Variants in ZNG1F observed in about 807,000 individuals in gnomAD.
ZNG1F encodes the protein Zn regulated GTPase metalloprotein activator 1F, also known as zinc-regulated GTPase metalloprotein activator 1F.
chr9:41,204,884 A>G, the ZNG1F span, among the ~76,000 whole-genome samples: 1 of 148,152 alleles, frequency 6.7e-6, no homozygotes, highest in Non-Finnish European at 1.5e-5. Flanking sequence ...TAATAATTTT[A>G]TGAGTTATAA....
At chr9:41,183,725 A>G in the ZNG1F span, 1 of 1,604,022 alleles carries the variant, frequency 6.2e-7, no homozygotes, top group South Asian at 1.1e-5. Flanking sequence ...CCAACAAAAA[A>G]CAAAGATGAG....
chr9:41,152,178 C>CA, the ZNG1F span, among the ~76,000 whole-genome samples: 1 of 136,840 alleles, frequency 7.3e-6, no homozygotes, highest in Non-Finnish European at 1.6e-5. Flanking sequence ...AAATGAAAAA[C>CA]AAAAAAAGGC....
the ZNG1F span, among the ~76,000 whole-genome samples, chr9:41,155,309 T>G: frequency 1.3e-5 from 2 of 150,098 alleles, no homozygotes; most frequent in Non-Finnish European, 3.0e-5. Context: ...AATGAGATAC[T>G]ATCTCACACC....
At chr9:41,142,295 C>CAA in the ZNG1F span, 1 of 176,346 alleles carries the variant, frequency 5.7e-6, no homozygotes, top group African/African-American at 4.7e-5. Context: ...TTCTTCCTGT[C>CAA]AAAAAAAATC....
the ZNG1F span, among the ~76,000 whole-genome samples, chr9:41,202,029 A>G: frequency 2.5e-5 from 1 of 40,008 alleles, no homozygotes; most frequent in African/African-American, 5.4e-5. Flanking sequence ...GAGATTAAAT[A>G]AAAACAGCAA....
chr9:41,185,097 T>C, the ZNG1F span, among the ~76,000 whole-genome samples: 11 of 145,728 alleles, frequency 7.5e-5, 2 homozygotes, highest in South Asian at 1.1e-3. Flanking sequence ...TTCATACTTA[T>C]GAAGAAAAAC....
the ZNG1F span, chr9:41,132,047 A>G: frequency 2.1e-6 from 3 of 1,429,728 alleles, no homozygotes; most frequent in Non-Finnish European, 2.8e-6. Context: ...AAATTGAAGA[A>G]GAACAAAAGT....
chr9:41,132,558 G>A, the ZNG1F span: 1 of 1,377,186 alleles, frequency 7.3e-7, no homozygotes, highest in Non-Finnish European at 9.4e-7. Flanking sequence ...AAAGGTTTCT[G>A]TGTATTGATT....
At chr9:41,157,429 A>C in the ZNG1F span, 4 of 139,452 alleles carry the variant, frequency 2.9e-5, no homozygotes, top group Admixed American at 7.2e-5. Flanking sequence ...GCACCACTGC[A>C]CTCCAGCCTG....
At chr9:41,157,345 T>C in the ZNG1F span, 4 of 136,266 alleles carry the variant, frequency 2.9e-5, 1 homozygote, top group African/African-American at 1.2e-4. Flanking sequence ...GCACCTGTAG[T>C]CCCAGCTACT....
the ZNG1F span, chr9:41,183,442 G>A: frequency 2.7e-6 from 3 of 1,096,116 alleles, no homozygotes; most frequent in Non-Finnish European, 2.5e-6. Flanking sequence ...TTTTCTATTT[G>A]TTTGAAAATA....
the ZNG1F span, among the ~76,000 whole-genome samples, chr9:41,150,306 T>C: frequency 6.6e-6 from 1 of 150,702 alleles, no homozygotes; most frequent in African/African-American, 2.4e-5. Flanking sequence ...GTCCCGCACC[T>C]GGCTCGGAGG....
At chr9:41,166,214 A>G in the ZNG1F span, among the ~76,000 whole-genome samples, 8 of 129,138 alleles carry the variant, frequency 6.2e-5, 2 homozygotes, top group African/African-American at 2.4e-4. Flanking sequence ...GCTGGCCAAC[A>G]TGGTGAAACC....
the ZNG1F span, among the ~76,000 whole-genome samples, chr9:41,160,430 GTTTTT>G: frequency 2.1e-3 from 36 of 17,400 alleles, 13 homozygotes; most frequent in Non-Finnish European, 4.6e-3. Flanking sequence ...TTGTTTGTTT[GTTTTT>G]TTTTTGAGAC....
chr9:41,157,508 T>C, the ZNG1F span: 4 of 141,858 alleles, frequency 2.8e-5, no homozygotes, highest in South Asian at 2.3e-4. Flanking sequence ...TGATTTCTCA[T>C]AATCAAAGCT....
At chr9:41,185,398 G>A in the ZNG1F span, among the ~76,000 whole-genome samples, 1 of 140,188 alleles carries the variant, frequency 7.1e-6, no homozygotes, top group South Asian at 2.4e-4. Flanking sequence ...TTTTGGCCAG[G>A]CATGGTGCCT....
chr9:41,183,273 T>G, the ZNG1F span, among the ~76,000 whole-genome samples: 1 of 141,672 alleles, frequency 7.1e-6, no homozygotes, highest in Non-Finnish European at 1.5e-5. Context: ...CAGATTAAAT[T>G]CAGAATAATC....
chr9:41,199,830 G>A, the ZNG1F span, among the ~76,000 whole-genome samples: 3 of 151,966 alleles, frequency 2.0e-5, no homozygotes, highest in East Asian at 5.9e-4. Context: ...TCAAAGCCAT[G>A]TGGAAGCTGC....
the ZNG1F span, among the ~76,000 whole-genome samples, chr9:41,139,553 T>G: frequency 1.3e-5 from 2 of 149,744 alleles, no homozygotes; most frequent in African/African-American, 4.9e-5. Flanking sequence ...AAACATGAGA[T>G]ATTTAATCTC....
Sources: allele counts gnomAD v4.1 joint callset (sites outside exome capture counted in the v4.1 genomes callset), GRCh38; gene constraint gnomAD v4.1.1; transcripts MANE v1.5; gene names NCBI Gene and HGNC (gene_info 2026-07-23, HGNC 2026-07-21).